The following ATP8B1 variants were observed in gnomAD, a reference collection of about 807,000 sequenced individuals.
ATP8B1 encodes the protein phospholipid-transporting ATPase IC.
Under a neutral mutation model 149.9 loss-of-function variants are expected in ATP8B1, and 80 were observed. The observed-to-expected ratio is 0.53, with a 90% CI of 0.45 to 0.64. The LOEUF (loss-of-function observed/expected upper bound fraction) is 0.64, where lower values mean the gene tolerates loss of function less well. Ranked by LOEUF, ATP8B1 falls within the 30% of genes least tolerant of loss-of-function variation. The pLI is 0.00. For missense variants in ATP8B1, 1,247 were observed against 1,552.6 expected (o/e 0.80, Z 3.31); for synonymous variants, 536 against 562.8 (o/e 0.95, Z 0.67).
At chr18:57,756,291 GTGTGTGTATGTATA>G (rs1312255801) in intron 1 of ATP8B1, among the ~76,000 whole-genome samples, 3 of 27,154 alleles carry the variant, frequency 1.1e-4, no homozygotes, top group African/African-American at 6.0e-4. Flanking sequence ...ATATATATGT[GTGTGTGTATGTATA>G]TATATATATA....
chr18:57,733,654 T>C (rs2938370), intron 1 of ATP8B1, among the ~76,000 whole-genome samples: 36,600 of 144,476 alleles, frequency 0.25, 4,711 homozygotes, highest in East Asian at 0.5. Context: ...TGCAGTGAGC[T>C]GAGATTGCGC....
At chr18:57,681,275 G>A (rs1911955083) in intron 15 of ATP8B1, among the ~76,000 whole-genome samples, 1 of 152,096 alleles carries the variant, frequency 6.6e-6, no homozygotes, top group Admixed American at 6.6e-5. Context: ...ATAAAGAAAT[G>A]GGGACTTCAG....
chr18:57,674,778 G>A, intron 16 of ATP8B1, 56 bp downstream of exon 16: 2 of 1,579,558 alleles, frequency 1.3e-6, no homozygotes, highest in Non-Finnish European at 1.7e-6. Context: ...TCAATACAAT[G>A]GGCACAAGCA....
At chr18:57,674,152 A>T (rs1911430270) in intron 16 of ATP8B1, among the ~76,000 whole-genome samples, 1 of 148,630 alleles carries the variant, frequency 6.7e-6, no homozygotes, top group Non-Finnish European at 1.5e-5. Context: ...AGGCTGAGGC[A>T]GGAGACTCGC....
At chr18:57,747,031 C>T (rs921826193) in intron 1 of ATP8B1, among the ~76,000 whole-genome samples, 5 of 152,226 alleles carry the variant, frequency 3.3e-5, no homozygotes, top group South Asian at 2.1e-4. Context: ...GAAATGTAGT[C>T]TGGGTCCACC....
intron 15 of ATP8B1, among the ~76,000 whole-genome samples, chr18:57,676,334 G>A (rs1911584986): frequency 6.7e-6 from 1 of 149,364 alleles, no homozygotes; most frequent in African/African-American, 2.5e-5. Flanking sequence ...GCTAATGTTT[G>A]TATTTTTTGT....
At chr18:57,798,199 A>G (rs1224811535) in intron 1 of ATP8B1, among the ~76,000 whole-genome samples, 1 of 152,212 alleles carries the variant, frequency 6.6e-6, no homozygotes, top group Non-Finnish European at 1.5e-5. Context: ...GGGAGCAATG[A>G]GCCTTTCAAG....
chr18:57,788,555 C>CA (rs111696334), intron 1 of ATP8B1, among the ~76,000 whole-genome samples: 37,163 of 138,148 alleles, frequency 0.27, 5,441 homozygotes, highest in African/African-American at 0.41. Context: ...ACTCTTATCT[C>CA]AAAAAAAAAA....
intron 22 of ATP8B1, among the ~76,000 whole-genome samples, chr18:57,658,778 G>A (rs1447345147): frequency 1.3e-5 from 2 of 151,916 alleles, no homozygotes; most frequent in South Asian, 2.1e-4. Flanking sequence ...TAATCCTTCC[G>A]TCTCAGCCTC....
chr18:57,740,911 T>G (rs950958432), intron 1 of ATP8B1: 2 of 152,036 alleles, frequency 1.3e-5, no homozygotes, highest in Non-Finnish European at 1.5e-5. Context: ...TTTTCTTTTT[T>G]TTAAAATAAG....
chr18:57,802,303 G>C lies in ATP8B1; in HGVS notation c.-26+695C>G, dbSNP rs993895834. Among the ~76,000 whole-genome samples the C allele has an allele frequency of 1.3e-5, 2 of 152,204 alleles. No homozygotes were observed. Among genetic ancestry groups the C allele is most frequent in the Non-Finnish European group, 2.9e-5 (2 of 68,032 alleles). On this transcript the variant is annotated intron_variant, in intron 1 of 27. Transcript: ENST00000648908. This position sits in a 1 kb window ranked among gnomAD's most constrained non-coding sequence, Gnocchi z 4.9. ...GCAGGGCACCAAACTGCTGAGGGAAGGAGATGCCTGCAGCCATCTCAGCGG... is the reference window on the plus strand; with the variant it reads ...GCAGGGCACCAAACTGCTGAGGGAACGAGATGCCTGCAGCCATCTCAGCGG...
intron 14 of ATP8B1, 96 bp downstream of exon 14, chr18:57,684,976 G>C (rs191493269): frequency 8.1e-6 from 12 of 1,487,716 alleles, no homozygotes; most frequent in Middle Eastern, 3.4e-4. Context: ...AAGAGGCAAC[G>C]AAAGAGTCTT....
At chr18:57,687,219 G>A (rs1013269472) in intron 13 of ATP8B1, among the ~76,000 whole-genome samples, 1 of 152,140 alleles carries the variant, frequency 6.6e-6, no homozygotes, top group Non-Finnish European at 1.5e-5. Flanking sequence ...TTGAAACTCT[G>A]TACCCATTAA....
chr18:57,777,894 G>A (rs555393842), intron 1 of ATP8B1, among the ~76,000 whole-genome samples: 4 of 152,226 alleles, frequency 2.6e-5, no homozygotes, highest in South Asian at 2.1e-4. Context: ...ATACCCTTTT[G>A]TACCTTTCGA....
chr18:57,651,909 C>T (rs1909644103), intron 26 of ATP8B1, 125 bp downstream of exon 26: 2 of 1,230,050 alleles, frequency 1.6e-6, no homozygotes, highest in African/African-American at 1.5e-5. Flanking sequence ...GCTGGGATTA[C>T]AGGTGTGAGC....
intron 1 of ATP8B1, among the ~76,000 whole-genome samples, chr18:57,749,072 T>A (rs905032116): frequency 5.3e-5 from 8 of 152,220 alleles, no homozygotes; most frequent in African/African-American, 1.9e-4. Context: ...CTGCTCCACC[T>A]CTTAAAAAAA....
At position 57,671,538 on chromosome 18, in the gene ATP8B1, G is replaced by C. The variant is rs1911219051; in HGVS notation, c.1862C>G (p.Ala621Gly). The C allele has an allele frequency of 6.2e-7, 1 of 1,613,924 alleles. No homozygotes were observed. The highest frequency in any genetic ancestry group is 1.7e-5 in the Admixed American group (1 of 60,000). ...EGNIKLYCKG[A>G]DTVIYERLHR... ...TAACCGTTCATAAATAACAGTGTCA[G>C]CACCTTTACAGTAAAGCTTGATATT... is the stretch of plus-strand genomic sequence containing the variant. The change falls in exon 17 of 28, where the codon GCT becomes GGT. Residue 621 changes from alanine (A) to glycine (G), a missense_variant. This residue lies in a region of ATP8B1 where 853 missense variants were observed against 1,035.7 expected (regional missense o/e 0.82). Transcript: ENST00000648908.
intron 22 of ATP8B1, among the ~76,000 whole-genome samples, chr18:57,657,995 C>G (rs750971761): frequency 2.6e-5 from 4 of 151,694 alleles, no homozygotes; most frequent in Non-Finnish European, 4.4e-5. Context: ...GGTAGACATT[C>G]TTTTATCATT....
At chr18:57,672,901 TA>T (rs1911307260) in intron 16 of ATP8B1, among the ~76,000 whole-genome samples, 1 of 44,790 alleles carries the variant, frequency 2.2e-5, no homozygotes, top group Non-Finnish European at 4.3e-5. Flanking sequence ...TATATATATA[TA>T]TATATATATA....
Sources: allele counts gnomAD v4.1 joint callset (sites outside exome capture counted in the v4.1 genomes callset), GRCh38; gene constraint gnomAD v4.1.1; regional missense constraint gnomAD v4.1.1; non-coding constraint Gnocchi (gnomAD v3.1); transcripts MANE v1.5; gene names NCBI Gene and HGNC (gene_info 2026-07-23, HGNC 2026-07-21).